Variants in ELFN2 observed in about 807,000 individuals in gnomAD.
ELFN2 encodes protein phosphatase 1 regulatory subunit 29.
ELFN2 carries 17 observed loss-of-function variants against 45.5 expected under a neutral mutation model. The observed-to-expected ratio is 0.37, with a 90% CI of 0.26 to 0.56. The LOEUF (loss-of-function observed/expected upper bound fraction) is 0.56. Among genes scored for constraint, ELFN2 ranks in the 20% least tolerant of loss-of-function variants. The pLI, the probability that ELFN2 is intolerant of heterozygous loss-of-function variation, is 0.77. For synonymous variants in ELFN2, 550 were observed against 551.5 expected, an observed-to-expected ratio of 1.00 and a Z score of 0.04; for missense variants, 922 against 1,183.2, an observed-to-expected ratio of 0.78 and a Z score of 3.24.
chr22:37,384,441 C>T (rs1195978429), intron 2 of ELFN2, among the ~76,000 whole-genome samples: 1 of 151,816 alleles, frequency 6.6e-6, no homozygotes, highest in African/African-American at 2.4e-5. Flanking sequence ...CCAACCTGGC[C>T]TTTACCTCTC....
At chr22:37,365,685 G>A (rs1188513632), downstream of ELFN2, among the ~76,000 whole-genome samples, 1 of 152,160 alleles carries the variant, frequency 6.6e-6, no homozygotes, top group African/African-American at 2.4e-5. Context: ...GGCAACTATG[G>A]TCCTGTTTGC....
intron 2 of ELFN2, among the ~76,000 whole-genome samples, chr22:37,377,619 G>T (rs1048599137): frequency 6.6e-6 from 1 of 152,248 alleles, no homozygotes; most frequent in Non-Finnish European, 1.5e-5. Context: ...GGTGGGGATG[G>T]TGATAGGTGA....
chr22:37,367,073 A>G (rs1397570014), downstream of ELFN2, among the ~76,000 whole-genome samples: 1 of 152,272 alleles, frequency 6.6e-6, no homozygotes, highest in Non-Finnish European at 1.5e-5. Flanking sequence ...AGACCCACAG[A>G]GTCCAGAATA....
intron 1 of ELFN2, among the ~76,000 whole-genome samples, chr22:37,362,957 C>T (rs1490143972): frequency 1.3e-5 from 2 of 152,190 alleles, no homozygotes; most frequent in Non-Finnish European, 1.5e-5. Flanking sequence ...GTCCACAGCC[C>T]ATTGCCAGCA....
intron 1 of ELFN2, among the ~76,000 whole-genome samples, chr22:37,362,864 C>G (rs2145623271): frequency 6.6e-6 from 1 of 152,310 alleles, no homozygotes; most frequent in African/African-American, 2.4e-5. Flanking sequence ...CTCTACAGAT[C>G]AGATGCTCTT....
chr22:37,391,455 C>T (rs558638225), intron 2 of ELFN2, among the ~76,000 whole-genome samples: 2 of 152,232 alleles, frequency 1.3e-5, no homozygotes, highest in Admixed American at 6.5e-5. Flanking sequence ...AGGAGCACAC[C>T]GCGCCGGCAC....
At position 37,369,441 on chromosome 22, in the gene ELFN2, C is replaced by G. The variant is rs1277451274; in HGVS notation, c.*3631G>C. The G allele has an allele frequency of 6.6e-6, 1 of 152,254 alleles. No homozygotes were observed. Among genetic ancestry groups the G allele is most frequent in the African/African-American group, 2.4e-5 (1 of 41,466 alleles). The allele number at this position is 152,254 out of a possible 1,614,324, so 9.4% of individuals were successfully genotyped here. A position where few individuals can be genotyped will look rare whatever the true frequency, so the allele number is the denominator to read the frequency against. ...CCTGGACACAGGCTGCTCCCACAGGCCTCCTGCACTGCCTCAGGAGGGGAG... is the reference window on the plus strand; with the variant it reads ...CCTGGACACAGGCTGCTCCCACAGGGCTCCTGCACTGCCTCAGGAGGGGAG... On this transcript the variant is annotated 3_prime_UTR_variant, in exon 3 of 3. Transcript: ENST00000402918.
chr22:37,363,027 G>C (rs576562870), downstream of ELFN2, among the ~76,000 whole-genome samples: 2 of 152,304 alleles, frequency 1.3e-5, no homozygotes, highest in Non-Finnish European at 2.9e-5. Flanking sequence ...GGCCCCCCGA[G>C]GTACCGATTC....
At position 37,349,472 on chromosome 22, in the gene ELFN2, C is replaced by T. The variant is rs1295840932; in HGVS notation, n.149-6769G>A. Among the ~76,000 whole-genome samples the T allele has an allele frequency of 3.3e-5, 5 of 151,304 alleles. 1 individual carries two copies. The highest frequency in any genetic ancestry group is 6.6e-5 in the Admixed American group (1 of 15,230). Reference sequence around the variant, plus strand: ...AGAGGCCCCCCAGGGGCCCTGCCCACACCCACCTCCAGCGTCTGCTCCCTC... The same window carrying T: ...AGAGGCCCCCCAGGGGCCCTGCCCATACCCACCTCCAGCGTCTGCTCCCTC... On this transcript the variant is annotated intron_variant and non_coding_transcript_variant, in intron 1 of 2. Transcript: ENST00000452946.
chr22:37,380,661 ACCAT>A (rs1448040552), intron 2 of ELFN2, among the ~76,000 whole-genome samples: 1 of 152,080 alleles, frequency 6.6e-6, no homozygotes, highest in African/African-American at 2.4e-5. Flanking sequence ...TGTCATTGTC[ACCAT>A]CCGTGTCATT....
intron 2 of ELFN2, among the ~76,000 whole-genome samples, chr22:37,387,141 C>T (rs1931968754): frequency 6.6e-6 from 1 of 152,198 alleles, no homozygotes; most frequent in African/African-American, 2.4e-5. Flanking sequence ...GCCTGTCTTC[C>T]TTTCAGTCCC....
Position 37,373,212 on chromosome 22 carries a change from G to A in ELFN2, c.2323C>T (p.Pro775Ser). The A allele has an allele frequency of 6.2e-7, 1 of 1,613,778 alleles. No homozygotes were observed. The highest frequency in any genetic ancestry group is 2.2e-5 in the East Asian group (1 of 44,884). The part of the protein sequence containing the change: ...STHKIWERFR[P>S]YKKHHREEVY... ...TCCTCCCGGTGGTGCTTCTTGTAGGGCCGGAAGCGCTCCCAGATCTTGTGC... is the reference window on the plus strand; with the variant it reads ...TCCTCCCGGTGGTGCTTCTTGTAGGACCGGAAGCGCTCCCAGATCTTGTGC... Residue 775 changes from proline (P) to serine (S), a missense_variant, in exon 3 of 3, where the codon CCC becomes TCC. Coordinates refer to ENST00000402918, the MANE Select transcript of ELFN2 (RefSeq NM_052906.5).
intron 2 of ELFN2, among the ~76,000 whole-genome samples, chr22:37,384,519 C>T (rs1379010491): frequency 6.7e-6 from 1 of 148,826 alleles, no homozygotes; most frequent in African/African-American, 2.5e-5. Context: ...CCAACCTGAC[C>T]CCTGGCCTCA....
chr22:37,379,483 C>A (rs1431616640), intron 2 of ELFN2, among the ~76,000 whole-genome samples: 1 of 152,184 alleles, frequency 6.6e-6, no homozygotes, highest in African/African-American at 2.4e-5. Context: ...CCTGACTGGA[C>A]CCCTCCCCTA....
At chr22:37,395,905 C>T (rs1306580475) in intron 2 of ELFN2, among the ~76,000 whole-genome samples, 1 of 152,180 alleles carries the variant, frequency 6.6e-6, no homozygotes, top group Non-Finnish European at 1.5e-5. Context: ...TCAGCACAAG[C>T]ACCACAGACC....
intron 1 of ELFN2, among the ~76,000 whole-genome samples, chr22:37,425,897 A>ACACT (rs1171428939): frequency 8.9e-5 from 13 of 145,664 alleles, no homozygotes; most frequent in African/African-American, 2.9e-4. Context: ...ACACACACAC[A>ACACT]CTCCCAGTCC....
chr22:37,386,666 G>T (rs1350209077), intron 2 of ELFN2, among the ~76,000 whole-genome samples: 2 of 152,188 alleles, frequency 1.3e-5, no homozygotes, highest in Non-Finnish European at 2.9e-5. Context: ...GGCTCTGTCG[G>T]TGCAGAGGGG....
intron 2 of ELFN2, among the ~76,000 whole-genome samples, chr22:37,399,744 G>C (rs112348617): frequency 6.8e-6 from 1 of 146,414 alleles, no homozygotes; most frequent in African/African-American, 2.8e-5. Flanking sequence ...TGCCCTCACC[G>C]GCTGCTGGCT....
chr22:37,425,211 G>C (rs901859642), intron 1 of ELFN2, among the ~76,000 whole-genome samples: 6 of 152,190 alleles, frequency 3.9e-5, no homozygotes, highest in Non-Finnish European at 5.9e-5. Context: ...GAGGAAAACA[G>C]GGACTGGGGA....
Sources: allele counts gnomAD v4.1 joint callset (sites outside exome capture counted in the v4.1 genomes callset), GRCh38; gene constraint gnomAD v4.1.1; transcripts MANE v1.5; gene names NCBI Gene and HGNC (gene_info 2026-07-23, HGNC 2026-07-21).